The following MYRIP variants were observed in gnomAD, a reference collection of about 807,000 sequenced individuals.
The protein encoded by MYRIP is myosin VIIA and Rab interacting protein.
A neutral mutation model predicts 98.0 loss-of-function variants in MYRIP; 49 were observed. The ratio of observed to expected loss-of-function variants is 0.50; its 90% CI spans 0.40 to 0.63. The LOEUF is 0.63. Ranked by LOEUF, MYRIP falls within the 30% of genes least tolerant of loss-of-function variation. The probability of loss-of-function intolerance (pLI) is 0.00; values close to 1 mark genes in which losing one functional copy is unlikely to be tolerated. For missense variants in MYRIP, 1,004 were observed against 1,058.2 expected, an observed-to-expected ratio of 0.95 and a Z score of 0.71; for synonymous variants, 404 against 409.5, an observed-to-expected ratio of 0.99 and a Z score of 0.16.
intron 3 of MYRIP, among the ~76,000 whole-genome samples, chr3:40,090,138 T>C (rs1302371800): frequency 2.6e-5 from 4 of 152,044 alleles, no homozygotes; most frequent in Non-Finnish European, 5.9e-5. Flanking sequence ...TTCTGTTCAT[T>C]TTTTCTTGCA....
chr3:39,981,645 G>A (rs1264814398), intron 2 of MYRIP, among the ~76,000 whole-genome samples: 2 of 152,166 alleles, frequency 1.3e-5, no homozygotes, highest in Non-Finnish European at 2.9e-5. Flanking sequence ...CTTCCTTTGA[G>A]ATGTTTTGAG....
In MYRIP at chr3:39,967,653, T is replaced by A. The variant is rs146274275; in HGVS notation, c.110+66727T>A. ...TTCTGCTTTTAGCTCTTTGAGGTAT[T>A]AACATACTGCTTTCCACAATGGTTG... On this transcript the variant is annotated intron_variant, in intron 2 of 16. Coordinates refer to ENST00000302541, the MANE Select transcript of MYRIP (RefSeq NM_015460.4). Among the ~76,000 whole-genome samples the A allele has an allele frequency of 2.0e-3, 307 of 152,288 alleles. 1 individual carries two copies. The highest frequency in any genetic ancestry group is 6.8e-3 in the Middle Eastern group (2 of 294).
At chr3:39,994,945 C>T (rs11917425) in intron 2 of MYRIP, among the ~76,000 whole-genome samples, 15,394 of 152,212 alleles carry the variant, frequency 0.1, 1,361 homozygotes, top group African/African-American at 0.23. Context: ...AGTGGACCTC[C>T]AGCAAACTCC....
chr3:39,871,564 T>G (rs1942789389), intron 1 of MYRIP, among the ~76,000 whole-genome samples: 1 of 152,160 alleles, frequency 6.6e-6, no homozygotes, highest in African/African-American at 2.4e-5. Context: ...TTAACTGTCT[T>G]TCGACTCAAT....
At chr3:40,163,022 C>T (rs1203946652) in intron 5 of MYRIP, 9 of 472,624 alleles carry the variant, frequency 1.9e-5, no homozygotes, top group African/African-American at 1.4e-4. Flanking sequence ...GCCAAGAGAA[C>T]AGCATTCGTT....
At chr3:40,230,671 T>C (rs1267544846) in intron 11 of MYRIP, among the ~76,000 whole-genome samples, 1 of 152,166 alleles carries the variant, frequency 6.6e-6, no homozygotes, top group African/African-American at 2.4e-5. Context: ...AGCCCATTCC[T>C]AAGGAACAGA....
chr3:39,952,033 C>A (rs7652559), intron 2 of MYRIP, among the ~76,000 whole-genome samples: 2 of 151,938 alleles, frequency 1.3e-5, no homozygotes, highest in African/African-American at 4.8e-5. Flanking sequence ...TCAAAAGTTC[C>A]CTTTGGACCA....
intron 1 of MYRIP, among the ~76,000 whole-genome samples, chr3:39,896,429 G>A (rs1313537385): frequency 3.3e-5 from 5 of 152,158 alleles, no homozygotes; most frequent in Admixed American, 2.6e-4. Flanking sequence ...TACAGCCTAA[G>A]CACCACTTGC....
chr3:39,986,389 G>GTCTCTCTC (rs1553654401), intron 2 of MYRIP, among the ~76,000 whole-genome samples: 3 of 151,068 alleles, frequency 2.0e-5, no homozygotes, highest in African/African-American at 7.3e-5. Context: ...ATTTCTCTCT[G>GTCTCTCTC]TCTCTCTCTT....
At chr3:40,023,446 G>C (rs1947046491) in intron 2 of MYRIP, among the ~76,000 whole-genome samples, 1 of 152,068 alleles carries the variant, frequency 6.6e-6, no homozygotes, top group South Asian at 2.1e-4. Context: ...CAGACTTAGG[G>C]TTGGAAGAGG....
chr3:40,197,012 A>T (rs1951409767), intron 10 of MYRIP, among the ~76,000 whole-genome samples: 1 of 152,148 alleles, frequency 6.6e-6, no homozygotes. Flanking sequence ...CTCACTTGAC[A>T]CATACCTTTG....
At chr3:39,815,300 G>A (rs556541754) in intron 1 of MYRIP, among the ~76,000 whole-genome samples, 1 of 152,206 alleles carries the variant, frequency 6.6e-6, no homozygotes, top group South Asian at 2.1e-4. Flanking sequence ...GGCATTTTGT[G>A]TCTGGCTTCT....
At chr3:40,232,780 G>C (rs778921192) in intron 11 of MYRIP, 1 of 152,182 alleles carries the variant, frequency 6.6e-6, no homozygotes, top group Non-Finnish European at 1.5e-5. Flanking sequence ...GCCCAAATCC[G>C]GGTTGATTGT....
chr3:40,254,732 AC>A (rs990579081), intron 16 of MYRIP, among the ~76,000 whole-genome samples: 1 of 150,572 alleles, frequency 6.6e-6, no homozygotes. Flanking sequence ...CAATTTGGGA[AC>A]CCCCCCAGAT....
chr3:40,257,350 G>A (rs1052811532), intron 16 of MYRIP, among the ~76,000 whole-genome samples: 2 of 152,086 alleles, frequency 1.3e-5, no homozygotes, highest in African/African-American at 4.8e-5. Flanking sequence ...TAACAGGTAG[G>A]TTTTGTGGGA....
chr3:40,255,048 A>G (rs563112834), intron 16 of MYRIP, among the ~76,000 whole-genome samples: 32 of 152,298 alleles, frequency 2.1e-4, no homozygotes, highest in African/African-American at 7.7e-4. Context: ...CAGGCATTAC[A>G]TGGCAATAGC....
At chr3:40,042,457 C>G (rs1214669346) in intron 2 of MYRIP, among the ~76,000 whole-genome samples, 13 of 152,028 alleles carry the variant, frequency 8.6e-5, no homozygotes, top group South Asian at 2.1e-4. Flanking sequence ...TTAAGCATTT[C>G]TAAATGAGAA....
chr3:39,956,184 G>C lies in MYRIP; in HGVS notation c.110+55258G>C, dbSNP rs571290566. On this transcript the variant is annotated intron_variant, in intron 2 of 16. Coordinates refer to ENST00000302541, the MANE Select transcript of MYRIP (RefSeq NM_015460.4). ...AGCTCTGCACCAAGGAGACCTAATAGACATCTGCGGAACTCTCCACCCCAA... is the reference window on the plus strand; with the variant it reads ...AGCTCTGCACCAAGGAGACCTAATACACATCTGCGGAACTCTCCACCCCAA... 2.6e-5 allele frequency among the ~76,000 whole-genome samples: 4 copies of C among 152,204 alleles called. 1 individual carries two copies. In the South Asian group the frequency reaches 8.3e-4, roughly 32 times the overall value.
At chr3:40,160,657 G>A (rs1043785109) in intron 4 of MYRIP, among the ~76,000 whole-genome samples, 26 of 152,102 alleles carry the variant, frequency 1.7e-4, no homozygotes, top group African/African-American at 3.1e-4. Flanking sequence ...CTCCGTGGGC[G>A]TAGGACCCTC....
Sources: allele counts gnomAD v4.1 joint callset (sites outside exome capture counted in the v4.1 genomes callset), GRCh38; gene constraint gnomAD v4.1.1; transcripts MANE v1.5; gene names NCBI Gene and HGNC (gene_info 2026-07-23, HGNC 2026-07-21).